Variants in SDAD1 observed in about 807,000 individuals in gnomAD.
The protein encoded by SDAD1 is protein SDA1 homolog.
Under a neutral mutation model 100.3 loss-of-function variants are expected in SDAD1, and 79 were observed. The ratio of observed to expected loss-of-function variants is 0.79; its 90% CI spans 0.66 to 0.95. The LOEUF (loss-of-function observed/expected upper bound fraction) is 0.95. Among genes scored for constraint, SDAD1 ranks in the 40% least tolerant of loss-of-function variants. The pLI is 0.00. For synonymous variants in SDAD1, 267 were observed against 271.4 expected, an observed-to-expected ratio of 0.98 and a Z score of 0.16; for missense variants, 790 against 810.9, an observed-to-expected ratio of 0.97 and a Z score of 0.31.
intron 21 of SDAD1, among the ~76,000 whole-genome samples, chr4:75,954,497 AC>A (rs1255173606): frequency 4.0e-5 from 6 of 151,620 alleles, no homozygotes; most frequent in Non-Finnish European, 8.8e-5. Context: ...ACATGGCAAA[AC>A]CCCATCTCTA....
intron 17 of SDAD1, among the ~76,000 whole-genome samples, chr4:75,959,131 T>TAAAAA (rs1430459370): frequency 3.1e-5 from 2 of 65,068 alleles, no homozygotes; most frequent in African/African-American, 6.2e-5. Context: ...AAAAAAAACC[T>TAAAAA]AAAAAAAAAC....
At chr4:75,978,334 C>G (rs1730275634) in intron 3 of SDAD1, among the ~76,000 whole-genome samples, 1 of 150,280 alleles carries the variant, frequency 6.7e-6, no homozygotes, top group Non-Finnish European at 1.5e-5. Context: ...TCCTGATTAG[C>G]CAGGACTGTA....
rs757572846 is a variant in SDAD1, at chr4:75,964,167, G to A, written c.1149C>T (p.Thr383=). Residue 383 remains threonine, a synonymous_variant, in exon 14 of 22, where the codon ACC becomes ACT. Transcript: ENST00000356260. ...LLMTVANNFV[T]DKNSGEVMTV... is the part of the protein sequence containing the mutation. ...TCATGACTTCTCCAGAGTTCTTGTC[G>A]GTAACAAAATTGTTTGCCACAGTCA... 4.1e-5 allele frequency: 66 copies of A among 1,608,156 alleles called. No individual in the cohort carries two copies. The highest frequency in any genetic ancestry group is 4.8e-5 in the Non-Finnish European group (56 of 1,178,308).
At chr4:75,971,588 AGACTGGG>A in intron 8 of SDAD1, 130 bp from the exon 9 acceptor site, 2 of 696,140 alleles carry the variant, frequency 2.9e-6, no homozygotes, top group Non-Finnish European at 2.4e-6. Flanking sequence ...TACTACTTTT[AGACTGGG>A]CGCAGTGGCT....
At chr4:75,974,177 C>A in intron 6 of SDAD1, 44 bp from the exon 7 acceptor site, 2 of 1,507,120 alleles carry the variant, frequency 1.3e-6, no homozygotes, top group South Asian at 2.3e-5. Context: ...TTTCATTCTA[C>A]TGTATTTCAT....
Position 75,956,142 on chromosome 4 carries a change from A to G in SDAD1, c.1855-6T>C. 6.3e-7 allele frequency: 1 copy of G among 1,592,658 alleles called. No individual in the cohort carries two copies. The highest frequency in any genetic ancestry group is 8.5e-7 in the Non-Finnish European group (1 of 1,173,868). On this transcript the variant is annotated splice_polypyrimidine_tract_variant and splice_region_variant and intron_variant, in intron 20 of 21. Transcript: ENST00000356260. Reference sequence around the variant, plus strand: ...TTTCGGTCTGTCTTTCCAGCCTACCAGAACAAAAAGTTTGATATTTCTTCT... The same window carrying G: ...TTTCGGTCTGTCTTTCCAGCCTACCGGAACAAAAAGTTTGATATTTCTTCT...
Position 75,970,281 on chromosome 4 carries a change from A to G in SDAD1, c.883+28T>C, listed in dbSNP as rs1216743792. Reference sequence around the variant, plus strand: ...TAAAATAGGCAGAGATAAGGCCAACAAGGAACTCGGACGTCATAATAACGT... The same window carrying G: ...TAAAATAGGCAGAGATAAGGCCAACGAGGAACTCGGACGTCATAATAACGT... On this transcript the variant is annotated intron_variant, in intron 10 of 21. Transcript: ENST00000356260. 4 of 1,590,902 alleles carry G rather than the reference A, an allele frequency of 2.5e-6. No homozygotes were observed. In the Admixed American group the frequency reaches 6.8e-5, roughly 27 times the overall value.
intron 9 of SDAD1, among the ~76,000 whole-genome samples, chr4:75,971,145 T>C (rs1729844997): frequency 6.6e-6 from 1 of 152,220 alleles, no homozygotes; most frequent in Non-Finnish European, 1.5e-5. Flanking sequence ...AAGTAAAAAG[T>C]GAATTTAATT....
chr4:75,988,145 G>A (rs1193957115), intron 1 of SDAD1, among the ~76,000 whole-genome samples: 6 of 152,142 alleles, frequency 3.9e-5, no homozygotes, highest in Non-Finnish European at 8.8e-5. Context: ...CTTATGTGGT[G>A]TCTCTGCTTC....
chr4:75,967,472 GGAT>G (rs146136510), intron 11 of SDAD1, 138 bp from the exon 12 acceptor site: 13,823 of 705,614 alleles, frequency 0.02, 207 homozygotes, highest in South Asian at 0.031. Context: ...TCATGCCCTA[GGAT>G]GATTCAATAT....
intron 14 of SDAD1, among the ~76,000 whole-genome samples, chr4:75,963,621 T>A (rs1258595566): frequency 3.3e-5 from 5 of 152,176 alleles, no homozygotes; most frequent in Non-Finnish European, 7.3e-5. Context: ...TTAGGCCTAA[T>A]GTTGTTATCT....
rs547705035 is a variant in SDAD1 at position 75,990,550 on chromosome 4, G to A, written c.90+202C>T. The A allele has an allele frequency of 5.2e-4, 555 of 1,074,014 alleles. 2 individuals are homozygous for A. The African/African-American group carries it at 7.9e-3, about 15-fold the overall frequency. 66.5% of individuals were successfully genotyped at this position (1,074,014 alleles called of 1,614,324 possible). Reference sequence around the variant, plus strand: ...CAGCAGGGCAGGTAGAAAATCCAAAGGGGCAACAGATTTTCAAGAGGTGGG... The same window carrying A: ...CAGCAGGGCAGGTAGAAAATCCAAAAGGGCAACAGATTTTCAAGAGGTGGG... On this transcript the variant is annotated intron_variant, in intron 1 of 21. Transcript: ENST00000356260.
chr4:75,971,460 T>C lies in SDAD1; in HGVS notation c.712-2A>G. 6.2e-7 allele frequency: 1 copy of C among 1,601,974 alleles called. No individual in the cohort carries two copies. Among genetic ancestry groups the C allele is most frequent in the Non-Finnish European group, 8.5e-7 (1 of 1,170,278 alleles). ...GTCTCTTGCTGTTGGTCCATCATCC[T>C]AAAGAAGAAATTACTTTGTAAAATT... On this transcript the variant is annotated splice_acceptor_variant, in intron 8 of 21. Transcript: ENST00000356260. LOFTEE classifies it high-confidence loss of function.
intron 11 of SDAD1, among the ~76,000 whole-genome samples, chr4:75,967,969 G>C (rs1729642777): frequency 6.6e-6 from 1 of 152,104 alleles, no homozygotes; most frequent in South Asian, 2.1e-4. Context: ...GAAATAAACT[G>C]GTCTTTTTCA....
chr4:75,957,150 C>T (rs764121448), intron 20 of SDAD1, among the ~76,000 whole-genome samples, 175 bp downstream of exon 20: 7 of 152,102 alleles, frequency 4.6e-5, no homozygotes, highest in Non-Finnish European at 5.9e-5. Flanking sequence ...CAAACCCAAA[C>T]AAAACCCCTC....
intron 16 of SDAD1, among the ~76,000 whole-genome samples, chr4:75,960,696 G>GGTA (rs1286554075): frequency 6.6e-6 from 1 of 152,154 alleles, no homozygotes; most frequent in African/African-American, 2.4e-5. Context: ...ACTTGAAAGA[G>GGTA]GTAGTATCTG....
chr4:75,979,429 C>T (rs1333681790), intron 3 of SDAD1, among the ~76,000 whole-genome samples: 1 of 152,010 alleles, frequency 6.6e-6, no homozygotes, highest in Non-Finnish European at 1.5e-5. Flanking sequence ...GCTAACTATA[C>T]AGACGCAATC....
intron 1 of SDAD1, among the ~76,000 whole-genome samples, chr4:75,990,286 C>T (rs892183683): frequency 2.9e-5 from 4 of 136,424 alleles, no homozygotes; most frequent in South Asian, 2.6e-4. Context: ...CCCCCCCCCC[C>T]CTTTCCTGGC....
intron 6 of SDAD1, 135 bp from the exon 7 acceptor site, chr4:75,974,268 G>T: frequency 2.8e-6 from 2 of 709,598 alleles, no homozygotes; most frequent in Non-Finnish European, 4.9e-6. Flanking sequence ...ATTTTAAAAA[G>T]ATACGAGTTG....
Sources: gnomAD v4.1 joint callset for allele counts (sites outside exome capture counted in the v4.1 genomes callset) on GRCh38, gnomAD v4.1.1 for gene constraint, MANE v1.5 for transcripts, NCBI Gene and HGNC (gene_info 2026-07-23, HGNC 2026-07-21) for gene names.